The following ITGBL1 variants were observed in gnomAD, a reference collection of about 807,000 sequenced individuals.
ITGBL1 encodes integrin subunit beta like 1.
A neutral mutation model predicts 68.5 loss-of-function variants in ITGBL1; 51 were observed. The observed-to-expected ratio is 0.74, with a 90% CI of 0.59 to 0.94. ITGBL1 has a LOEUF of 0.94. ITGBL1 is among the 40% of genes least tolerant of loss of function. ITGBL1 has a pLI of 0.00. For missense variants in ITGBL1, 649 were observed against 647.4 expected (o/e 1.00, Z -0.03); for synonymous variants, 209 against 227.3 (o/e 0.92, Z 0.72).
chr13:101,719,377 G>T, downstream of ITGBL1: 1 of 151,958 alleles, frequency 6.6e-6, no homozygotes. Context: ...ACCCATCGTG[G>T]ATCTCTTTAA....
At chr13:101,530,663 A>C (rs2049457551) in intron 2 of ITGBL1, among the ~76,000 whole-genome samples, 1 of 152,228 alleles carries the variant, frequency 6.6e-6, no homozygotes, top group African/African-American at 2.4e-5. Context: ...TATTTTATCT[A>C]AATTTGTTTG....
intron 2 of ITGBL1, among the ~76,000 whole-genome samples, chr13:101,461,966 T>G (rs1371498025): frequency 6.6e-6 from 1 of 152,186 alleles, no homozygotes; most frequent in East Asian, 1.9e-4. Flanking sequence ...TGTTCTTTTC[T>G]GAAGACTCTA....
intron 7 of ITGBL1, among the ~76,000 whole-genome samples, chr13:101,671,708 G>A (rs972649772): frequency 6.6e-6 from 1 of 151,866 alleles, no homozygotes; most frequent in African/African-American, 2.4e-5. Flanking sequence ...AAAGTGCTGG[G>A]ATTACAGGCG....
intron 7 of ITGBL1, among the ~76,000 whole-genome samples, chr13:101,674,112 T>C (rs762601587): frequency 2.0e-5 from 3 of 152,198 alleles, no homozygotes; most frequent in Non-Finnish European, 4.4e-5. Context: ...TCATGCACAA[T>C]TGCCTGATAA....
At chr13:101,589,936 A>G (rs1254965573) in intron 6 of ITGBL1, among the ~76,000 whole-genome samples, 1 of 152,232 alleles carries the variant, frequency 6.6e-6, no homozygotes. Flanking sequence ...GAAGAGCATC[A>G]GAAATAGCAA....
intron 1 of ITGBL1, among the ~76,000 whole-genome samples, chr13:101,453,351 T>C (rs2048190429): frequency 6.6e-6 from 1 of 152,168 alleles, no homozygotes; most frequent in African/African-American, 2.4e-5. Context: ...AACTAAACTT[T>C]TTAAAAGTAG....
chr13:101,587,533 G>C (rs1247914286), intron 6 of ITGBL1, among the ~76,000 whole-genome samples: 1 of 152,084 alleles, frequency 6.6e-6, no homozygotes, highest in Non-Finnish European at 1.5e-5. Flanking sequence ...TAATATAACT[G>C]CTTTATTCCT....
chr13:101,694,769 A>G (rs1335104907), intron 8 of ITGBL1, among the ~76,000 whole-genome samples: 1 of 152,134 alleles, frequency 6.6e-6, no homozygotes. Flanking sequence ...GCTTTGGAGT[A>G]ATCTCAGTCT....
At chr13:101,606,641 C>G (rs1423692717) in intron 7 of ITGBL1, among the ~76,000 whole-genome samples, 4 of 151,890 alleles carry the variant, frequency 2.6e-5, no homozygotes, top group Admixed American at 6.6e-5. Flanking sequence ...TGCATCACAT[C>G]TGAGCAGAAG....
intron 7 of ITGBL1, among the ~76,000 whole-genome samples, chr13:101,669,459 G>C (rs2033304225): frequency 6.6e-6 from 1 of 152,104 alleles, no homozygotes; most frequent in Admixed American, 6.5e-5. Context: ...GAATGCAAAG[G>C]TTTGTAAAGT....
intron 7 of ITGBL1, among the ~76,000 whole-genome samples, chr13:101,648,716 A>G (rs2032644647): frequency 6.6e-6 from 1 of 152,210 alleles, no homozygotes; most frequent in Non-Finnish European, 1.5e-5. Context: ...TTAGTTGTAC[A>G]ACTATCCTAG....
At chr13:101,639,950 T>C (rs1446826417) in intron 7 of ITGBL1, among the ~76,000 whole-genome samples, 1 of 152,186 alleles carries the variant, frequency 6.6e-6, no homozygotes, top group African/African-American at 2.4e-5. Context: ...AGTTAAATAC[T>C]ATTTTTATCC....
At chr13:101,613,121 A>G (rs2031211757) in intron 7 of ITGBL1, among the ~76,000 whole-genome samples, 1 of 152,216 alleles carries the variant, frequency 6.6e-6, no homozygotes, top group Admixed American at 6.5e-5. Flanking sequence ...AAATGGCATT[A>G]GAACAATTGC....
chr13:101,631,619 C>A (rs1197237592), intron 7 of ITGBL1, among the ~76,000 whole-genome samples: 2 of 152,094 alleles, frequency 1.3e-5, no homozygotes, highest in African/African-American at 4.8e-5. Flanking sequence ...GATGTGAAGT[C>A]ATGTTTTTGC....
chr13:101,495,846 T>C (rs1198539071), intron 2 of ITGBL1, among the ~76,000 whole-genome samples: 1 of 152,172 alleles, frequency 6.6e-6, no homozygotes, highest in Non-Finnish European at 1.5e-5. Flanking sequence ...ATAACTGGTA[T>C]AGCTTTCCTT....
chr13:101,480,669 A>C (rs1203689410), intron 2 of ITGBL1, among the ~76,000 whole-genome samples: 1 of 152,040 alleles, frequency 6.6e-6, no homozygotes, highest in Non-Finnish European at 1.5e-5. Context: ...ACCCATAAAA[A>C]GTAAGAATAA....
At chr13:101,696,929 T>C (rs528123354) in intron 8 of ITGBL1, among the ~76,000 whole-genome samples, 2 of 152,244 alleles carry the variant, frequency 1.3e-5, no homozygotes, top group South Asian at 4.1e-4. Context: ...ACAACTAGTA[T>C]TTAGATGTGC....
chr13:101,570,128 GTTAT>G (rs1263784408), intron 3 of ITGBL1, among the ~76,000 whole-genome samples: 2 of 152,062 alleles, frequency 1.3e-5, no homozygotes, highest in Non-Finnish European at 2.9e-5. Context: ...TCATTTATCA[GTTAT>G]TTGTTATTTC....
At chr13:101,628,437 CTTTTTTTTT>C in intron 7 of ITGBL1, among the ~76,000 whole-genome samples, 1 of 139,636 alleles carries the variant, frequency 7.2e-6, no homozygotes, top group Admixed American at 7.2e-5. Flanking sequence ...TTTTCTTTTT[CTTTTTTTTT>C]TTTTAAGACA....
Sources: allele counts gnomAD v4.1 joint callset (sites outside exome capture counted in the v4.1 genomes callset), GRCh38; gene constraint gnomAD v4.1.1; transcripts MANE v1.5; gene names NCBI Gene and HGNC (gene_info 2026-07-23, HGNC 2026-07-21).